The following NAV2 variants were observed in gnomAD, a reference collection of about 807,000 sequenced individuals.
The protein encoded by NAV2 is helicase, APC down-regulated 1.
In NAV2, 54 loss-of-function variants were observed where a neutral mutation model predicts 223.2. The ratio of observed to expected loss-of-function variants is 0.24; its 90% CI spans 0.19 to 0.30. The LOEUF (loss-of-function observed/expected upper bound fraction) is 0.30. NAV2 is among the 10% of genes least tolerant of loss of function. The probability of loss-of-function intolerance (pLI) is 1.00; values close to 1 mark genes in which losing one functional copy is unlikely to be tolerated. For missense variants in NAV2, 2,806 were observed against 3,147.5 expected (o/e 0.89, Z 2.60); for synonymous variants, 1,279 against 1,239.3 (o/e 1.03, Z -0.67).
At chr11:19,614,090 G>A (rs1351294950) in intron 1 of NAV2, among the ~76,000 whole-genome samples, 1 of 152,194 alleles carries the variant, frequency 6.6e-6, no homozygotes, top group Non-Finnish European at 1.5e-5. Context: ...TACAGATAAA[G>A]AGGGTTGTGG....
intron 1 of NAV2, among the ~76,000 whole-genome samples, chr11:19,822,339 C>T (rs908402479): frequency 3.9e-5 from 6 of 152,274 alleles, no homozygotes; most frequent in South Asian, 2.1e-4. Context: ...ATGATTTCAC[C>T]GTAGACATTT....
chr11:19,536,403 T>C (rs1163157071), intron 1 of NAV2, among the ~76,000 whole-genome samples: 1 of 152,182 alleles, frequency 6.6e-6, no homozygotes, highest in Non-Finnish European at 1.5e-5. Flanking sequence ...GAAGGTGCAT[T>C]AGATCCTTGC....
Position 19,934,222 on chromosome 11 carries a change from C to T in NAV2, c.1978C>T (p.Pro660Ser). The change falls in exon 7 of 38, where the codon CCC becomes TCC. Residue 660 changes from proline to serine, a missense_variant. Pro to Ser is a moderately conservative substitution (Grantham distance 74, BLOSUM62 -1). This residue lies in a region of NAV2 where 1,167 missense variants were observed against 1,180.5 expected (regional missense o/e 0.99). Transcript: ENST00000349880. ...SNTVSVQLPQ[P>S]QQQYNHPNTA... ...TACCGTCAGTGTTCAGCTACCTCAGCCCCAGCAGCAATACAACCATCCCAA... is the reference window on the plus strand; with the variant it reads ...TACCGTCAGTGTTCAGCTACCTCAGTCCCAGCAGCAATACAACCATCCCAA... The T allele has an allele frequency of 6.2e-7, 1 of 1,612,318 alleles. No homozygotes were observed.
At chr11:19,631,952 C>G (rs2047358532) in intron 1 of NAV2, among the ~76,000 whole-genome samples, 1 of 152,250 alleles carries the variant, frequency 6.6e-6, no homozygotes, top group Non-Finnish European at 1.5e-5. Flanking sequence ...GAGACCCACG[C>G]CAATCTTTCA....
chr11:20,040,839 G>A (rs2056853768), intron 12 of NAV2, among the ~76,000 whole-genome samples: 1 of 152,206 alleles, frequency 6.6e-6, no homozygotes, highest in African/African-American at 2.4e-5. Context: ...CGAGCTCCAG[G>A]AACAGAGAGG....
intron 1 of NAV2, among the ~76,000 whole-genome samples, chr11:19,701,438 C>CCTT: frequency 6.6e-6 from 1 of 152,138 alleles, no homozygotes; most frequent in Non-Finnish European, 1.5e-5. Context: ...AAGGATAAGA[C>CCTT]CCTAACAAGC....
intron 5 of NAV2, among the ~76,000 whole-genome samples, chr11:19,885,093 A>G (rs1308225444): frequency 6.6e-6 from 1 of 152,144 alleles, no homozygotes; most frequent in Admixed American, 6.5e-5. Flanking sequence ...TTCTACTGTT[A>G]TTTTCAAGGT....
chr11:20,044,223 A>G lies in NAV2; in HGVS notation c.3150A>G (p.Pro1050=). 6.2e-7 allele frequency: 1 copy of G among 1,613,906 alleles called. No individual in the cohort carries two copies. Among genetic ancestry groups the G allele is most frequent in the African/African-American group, 1.3e-5 (1 of 75,040 alleles). ...GMTAQVGITM[P]RTKPSAPAGA... ...CAGCTCAGGTGGGCATCACCATGCC[A>G]AGGACGAAGCCTTCAGCCCCGGCAG... Residue 1050 remains proline, a synonymous_variant, in exon 13 of 38, where the codon CCA becomes CCG. Transcript: ENST00000349880.
chr11:19,741,796 A>G (rs572783028), intron 1 of NAV2, among the ~76,000 whole-genome samples: 1 of 151,416 alleles, frequency 6.6e-6, no homozygotes, highest in South Asian at 2.1e-4. Context: ...GCAATTGCAA[A>G]TAATGCTGCA....
chr11:19,649,350 C>G (rs918892303), intron 1 of NAV2, among the ~76,000 whole-genome samples: 2 of 152,240 alleles, frequency 1.3e-5, no homozygotes, highest in Non-Finnish European at 1.5e-5. Context: ...CAAATGACCT[C>G]GAGAGAATAT....
At chr11:19,808,541 T>G (rs2058693821) in intron 1 of NAV2, among the ~76,000 whole-genome samples, 1 of 152,188 alleles carries the variant, frequency 6.6e-6, no homozygotes, top group Admixed American at 6.5e-5. Flanking sequence ...TTTTATTTAT[T>G]AAAAAAAGAA....
chr11:19,787,298 T>TTTTTTTTTTTTTTTTTTTG (rs2057200383), intron 1 of NAV2, among the ~76,000 whole-genome samples: 1 of 138,240 alleles, frequency 7.2e-6, no homozygotes, highest in Non-Finnish European at 1.5e-5. Context: ...TTTTTTTTTT[T>TTTTTTTTTTTTTTTTTTTG]GGAGATGGGG....
intron 26 of NAV2, among the ~76,000 whole-genome samples, chr11:20,087,224 T>C (rs1168310519): frequency 6.6e-6 from 1 of 152,088 alleles, no homozygotes; most frequent in Admixed American, 6.5e-5. Context: ...GAGGCGGTGA[T>C]GCACTCAGCT....
At chr11:19,683,765 A>G (rs867219926) in intron 1 of NAV2, among the ~76,000 whole-genome samples, 11 of 152,368 alleles carry the variant, frequency 7.2e-5, no homozygotes, top group South Asian at 4.1e-4. Context: ...CTGGGGTTGC[A>G]AACTTTACTC....
intron 26 of NAV2, among the ~76,000 whole-genome samples, chr11:20,086,750 A>G (rs1420740697): frequency 6.6e-6 from 1 of 152,226 alleles, no homozygotes; most frequent in Non-Finnish European, 1.5e-5. Context: ...GATGGATCAG[A>G]TGTGAGTGCA....
chr11:19,642,795 T>C (rs1387415549), intron 1 of NAV2, among the ~76,000 whole-genome samples: 2 of 152,098 alleles, frequency 1.3e-5, no homozygotes, highest in East Asian at 3.9e-4. Flanking sequence ...GGGGTGTGTG[T>C]GTGTGTTAAT....
chr11:20,062,286 CT>C lies in NAV2; in HGVS notation c.4832-11del, dbSNP rs145350141. ...CCATAACAGCCATCTATCAATTCAC[CT>C]TTTTTTTTTCTTTTAATAGTTCATG... On this transcript the variant is annotated intron_variant, in intron 19 of 37. Coordinates refer to ENST00000349880, the MANE Select transcript of NAV2 (RefSeq NM_145117.5). 1,961 of 1,359,890 alleles carry C rather than the reference CT, an allele frequency of 1.4e-3. No homozygotes were observed. The highest frequency in any genetic ancestry group is 3.8e-3 in the Admixed American group (195 of 51,644). The allele number at this position is 1,359,890 out of a possible 1,614,324, so 84.2% of individuals were successfully genotyped here.
chr11:19,646,943 C>T (rs2047832171), intron 1 of NAV2, among the ~76,000 whole-genome samples: 1 of 152,198 alleles, frequency 6.6e-6, no homozygotes, highest in Admixed American at 6.5e-5. Context: ...CCCTCCCATA[C>T]TCCCTCTCCT....
chr11:19,613,599 T>G (rs1034779774), intron 1 of NAV2, among the ~76,000 whole-genome samples: 2 of 152,176 alleles, frequency 1.3e-5, no homozygotes, highest in Non-Finnish European at 2.9e-5. Context: ...TGAACTTGGC[T>G]TCTATGGCCA....
Sources: gnomAD v4.1 joint callset for allele counts (sites outside exome capture counted in the v4.1 genomes callset) on GRCh38, gnomAD v4.1.1 for gene constraint, gnomAD v4.1.1 regional missense constraint, MANE v1.5 for transcripts, NCBI Gene and HGNC (gene_info 2026-07-23, HGNC 2026-07-21) for gene names.